ZNF236: variants seen among roughly 807,000 people sequenced by gnomAD.
ZNF236 encodes regulated by glucose.
Under a neutral mutation model 191.2 loss-of-function variants are expected in ZNF236, and 50 were observed. The ratio of observed to expected loss-of-function variants is 0.26; its 90% CI spans 0.21 to 0.33. ZNF236 has a LOEUF of 0.33. Ranked by LOEUF, ZNF236 falls within the 10% of genes least tolerant of loss-of-function variation. ZNF236 has a pLI of 1.00. For synonymous variants in ZNF236, 907 were observed against 928.8 expected (o/e 0.98, Z 0.43); for missense variants, 1,754 against 2,374.5 (o/e 0.74, Z 5.43).
chr18:76,910,290 T>A (rs1599385697), intron 15 of ZNF236, 121 bp downstream of exon 15: 1 of 861,904 alleles, frequency 1.2e-6, no homozygotes, highest in African/African-American at 1.7e-5. Flanking sequence ...TCAAACCAAA[T>A]AACTTTTTGC....
rs1968631152 is a variant in ZNF236 at position 76,960,225 on chromosome 18, A to G, written c.5242+409A>G. ...TTTTTTCTCTGCTGGCTTTTCCTAC[A>G]CCACCTAAATCTGCTCAAACCTTTT... On this transcript the variant is annotated intron_variant, in intron 29 of 30. Transcript: ENST00000320610. The surrounding 1 kb of genome is among the most constrained non-coding windows in gnomAD (Gnocchi z 4.4). Among the ~76,000 whole-genome samples the G allele has an allele frequency of 1.3e-5, 2 of 152,210 alleles. No individual in the cohort carries two copies. The highest frequency in any genetic ancestry group is 4.1e-4 in the South Asian group (2 of 4,824).
At chr18:76,922,887 C>T (rs530694951) in intron 20 of ZNF236, among the ~76,000 whole-genome samples, 184 bp from the exon 21 acceptor site, 55 of 152,234 alleles carry the variant, frequency 3.6e-4, no homozygotes, top group African/African-American at 1.3e-3. Flanking sequence ...ATTATTTGTC[C>T]TGCAAATATT....
rs963680112 is a variant in ZNF236, at chr18:76,963,929, C to T, written c.5419+3074C>T. Among the ~76,000 whole-genome samples the T allele has an allele frequency of 4.6e-5, 7 of 152,236 alleles. No homozygotes were observed. In the East Asian group the frequency reaches 5.8e-4, roughly 13 times the overall value. On this transcript the variant is annotated intron_variant, in intron 30 of 30. Transcript: ENST00000320610. ...GTGTCAGTTGTGATAGCTCCCATTT[C>T]GCTTCTTATTGAGCTTATTTGGATT...
chr18:76,968,456 A>G lies in ZNF236; in HGVS notation c.*117A>G. 6.7e-7 allele frequency: 1 copy of G among 1,483,056 alleles called. No individual in the cohort carries two copies. The highest frequency in any genetic ancestry group is 8.8e-7 in the Non-Finnish European group (1 of 1,130,340). The allele number at this position is 1,483,056 out of a possible 1,614,324, so 91.9% of individuals were successfully genotyped here. A position where few individuals can be genotyped will look rare whatever the true frequency, so the allele number is the denominator to read the frequency against. On this transcript the variant is annotated 3_prime_UTR_variant, in exon 31 of 31. Transcript: ENST00000320610. ...GTTAAAAATGCTACAATAGTTTTTT[A>G]TCTATAAAATTATCTAAAGAATCAT...
chr18:76,917,309 C>T (rs1967395859), intron 19 of ZNF236, among the ~76,000 whole-genome samples: 1 of 152,192 alleles, frequency 6.6e-6, no homozygotes, highest in African/African-American at 2.4e-5. Flanking sequence ...AGAACCCCGT[C>T]ATTTGGAGAG....
At chr18:76,900,257 C>T (rs1977550545) in intron 11 of ZNF236, among the ~76,000 whole-genome samples, 1 of 151,984 alleles carries the variant, frequency 6.6e-6, no homozygotes, top group Non-Finnish European at 1.5e-5. Context: ...CAGCCATAAA[C>T]TTGTGTGAAT....
intron 1 of ZNF236, chr18:76,834,375 GT>G (rs202202508): frequency 0.2 from 30,710 of 151,276 alleles, 3,141 homozygotes; most frequent in Non-Finnish European, 0.26. Flanking sequence ...TTTCCTTAGG[GT>G]TTTTTTTTTT....
chr18:76,905,843 ATATTT>A (rs536777044), intron 13 of ZNF236, among the ~76,000 whole-genome samples: 2 of 152,370 alleles, frequency 1.3e-5, no homozygotes, highest in South Asian at 4.1e-4. Context: ...TAAAGAATAC[ATATTT>A]TAGATATTCC....
rs547351631 is a variant in ZNF236 at position 76,848,817 on chromosome 18, C to T, written c.56-709C>T. Reference sequence around the variant, plus strand: ...AATAGGTAGGACTACAAATACGTGCCGCCATGCCTAGCTAATTTTTTAGTA... The same window carrying T: ...AATAGGTAGGACTACAAATACGTGCTGCCATGCCTAGCTAATTTTTTAGTA... On this transcript the variant is annotated intron_variant, in intron 1 of 30. Transcript: ENST00000320610. Among the ~76,000 whole-genome samples the T allele has an allele frequency of 2.6e-4, 40 of 152,254 alleles. No individual in the cohort carries two copies. In the South Asian group the frequency reaches 3.1e-3, roughly 12 times the overall value.
chr18:76,832,102 C>A (rs192984250), intron 1 of ZNF236, among the ~76,000 whole-genome samples: 1 of 152,188 alleles, frequency 6.6e-6, no homozygotes, highest in East Asian at 1.9e-4. Context: ...TTTTTTGAGA[C>A]AGGGTCTCGC....
chr18:76,871,962 C>T (rs1976595630), intron 5 of ZNF236, 137 bp downstream of exon 5: 21 of 1,097,486 alleles, frequency 1.9e-5, no homozygotes, highest in Non-Finnish European at 2.7e-5. Flanking sequence ...ATTAGTTACT[C>T]TTTGTGTGAT....
At chr18:76,894,882 T>C in intron 9 of ZNF236, 131 bp from the exon 10 acceptor site, 1 of 1,233,710 alleles carries the variant, frequency 8.1e-7, no homozygotes, top group East Asian at 2.3e-5. Flanking sequence ...ATAATGTCAG[T>C]GATCCTGGGA....
At position 76,875,598 on chromosome 18, in the gene ZNF236, C is replaced by T. The variant is rs372497362; in HGVS notation, c.774C>T (p.Ala258=). 1.2e-6 allele frequency: 2 copies of T among 1,605,668 alleles called. No homozygotes were observed. Among genetic ancestry groups the T allele is most frequent in the Non-Finnish European group, 8.5e-7 (1 of 1,175,796 alleles). ...CAGGTGAAAAACCCCATGCCTGTGC[C>T]TTCTGTCCTGCCGCCTTCTCTCAGA... ...KHTGEKPHAC[A]FCPAAFSQKG... The change falls in exon 6 of 31, where the codon GCC becomes GCT. Residue 258 remains alanine (A), a synonymous_variant. Transcript: ENST00000320610. This position sits in a 1 kb window ranked among gnomAD's most constrained non-coding sequence, Gnocchi z 4.3.
intron 14 of ZNF236, among the ~76,000 whole-genome samples, chr18:76,909,341 A>G (rs1355826213): frequency 7.2e-6 from 1 of 138,902 alleles, no homozygotes; most frequent in East Asian, 2.1e-4. Flanking sequence ...AAAAAAAATT[A>G]TACAAATAGG....
chr18:76,850,916 T>C (rs1431134480), intron 2 of ZNF236, among the ~76,000 whole-genome samples: 1 of 151,678 alleles, frequency 6.6e-6, no homozygotes, highest in Non-Finnish European at 1.5e-5. Context: ...CTTGAAGTGA[T>C]TTTGTTTATA....
rs1015024327 is a variant in ZNF236, at chr18:76,971,289, C to G, written c.*2950C>G. Among the ~76,000 whole-genome samples the G allele has an allele frequency of 2.0e-5, 3 of 152,208 alleles. No individual in the cohort carries two copies. Among genetic ancestry groups the G allele is most frequent in the African/African-American group, 7.2e-5 (3 of 41,454 alleles). On this transcript the variant is annotated 3_prime_UTR_variant, in exon 31 of 31. Transcript: ENST00000320610. ...GATTGAAATGCTACCCCACCCCCAT[C>G]AAGCTCTACTTTTTCCCCTTTGAAA...
Position 76,927,457 on chromosome 18 carries a change from G to A in ZNF236, c.4354G>A (p.Ala1452Thr). ...GLSLQPTVTS[A>T]NLTIGPLSEQ... ...GTCCTTACAGCCCACAGTGACCTCT[G>A]CGAACCTGACCATAGGCCCGCTGTC... The change falls in exon 24 of 31, where the codon GCG becomes ACG. Residue 1452 changes from alanine to threonine, a missense_variant. Ala to Thr is a moderately conservative substitution (Grantham distance 58). This residue lies in a region of ZNF236 where 606 missense variants were observed against 761.5 expected (regional missense o/e 0.80). Transcript: ENST00000320610. The surrounding 1 kb of genome is among the most constrained non-coding windows in gnomAD (Gnocchi z 5.4). 1 of 1,614,154 alleles carries A rather than the reference G, an allele frequency of 6.2e-7. No homozygotes were observed. Among genetic ancestry groups the A allele is most frequent in the Non-Finnish European group, 8.5e-7 (1 of 1,180,030 alleles).
chr18:76,882,697 A>G (rs1412785701), intron 9 of ZNF236, among the ~76,000 whole-genome samples: 1 of 152,196 alleles, frequency 6.6e-6, no homozygotes, highest in Non-Finnish European at 1.5e-5. Context: ...CTCAAACCAC[A>G]CTAGTCAGGC....
intron 3 of ZNF236, among the ~76,000 whole-genome samples, chr18:76,865,435 A>T (rs779854201): frequency 2.3e-4 from 35 of 152,250 alleles, no homozygotes; most frequent in Non-Finnish European, 4.1e-4. Flanking sequence ...GGCCCAGCAC[A>T]GTTCCTGGCA....
Sources: gnomAD v4.1 joint callset for allele counts (sites outside exome capture counted in the v4.1 genomes callset) on GRCh38, gnomAD v4.1.1 for gene constraint, gnomAD v4.1.1 regional missense constraint, Gnocchi (gnomAD v3.1) non-coding constraint, MANE v1.5 for transcripts, NCBI Gene and HGNC (gene_info 2026-07-23, HGNC 2026-07-21) for gene names.